The following PLD5 variants were observed in gnomAD, a reference collection of about 807,000 sequenced individuals.
PLD5 encodes phospholipase D family member 5.
In PLD5, 36 loss-of-function variants were observed where a neutral mutation model predicts 61.1. The ratio of observed to expected loss-of-function variants is 0.59; its 90% CI spans 0.45 to 0.78. The LOEUF (loss-of-function observed/expected upper bound fraction) is 0.78, where lower values mean the gene tolerates loss of function less well. PLD5 is among the 30% of genes least tolerant of loss of function. The pLI is 0.00. For synonymous variants in PLD5, 243 were observed against 242.8 expected, an observed-to-expected ratio of 1.00 and a Z score of -0.01; for missense variants, 515 against 644.4, an observed-to-expected ratio of 0.80 and a Z score of 2.17.
chr1:242,321,045 G>A (rs1392669069), intron 2 of PLD5, among the ~76,000 whole-genome samples: 7 of 152,050 alleles, frequency 4.6e-5, no homozygotes, highest in Non-Finnish European at 8.8e-5. Context: ...ACTATCAACC[G>A]AAAGAAATAA....
intron 5 of PLD5, among the ~76,000 whole-genome samples, chr1:242,151,571 C>A (rs941423858): frequency 6.6e-6 from 1 of 151,882 alleles, no homozygotes; most frequent in Non-Finnish European, 1.5e-5. Flanking sequence ...TTTCAGTTTT[C>A]CTGTTTGTCT....
intron 1 of PLD5, among the ~76,000 whole-genome samples, chr1:242,464,518 T>C (rs554552228): frequency 1.3e-5 from 2 of 152,132 alleles, no homozygotes; most frequent in Admixed American, 6.5e-5. Context: ...TAATAGAAAA[T>C]AACAAAAGGT....
intron 6 of PLD5, 95 bp from the exon 7 acceptor site, chr1:242,114,121 CTA>C (rs1213417637): frequency 7.1e-7 from 1 of 1,405,532 alleles, no homozygotes; most frequent in African/African-American, 1.4e-5. Flanking sequence ...TGGCTTGTAA[CTA>C]TATTTTTGCA....
At chr1:242,463,682 C>T (rs1202279680) in intron 1 of PLD5, among the ~76,000 whole-genome samples, 1 of 152,082 alleles carries the variant, frequency 6.6e-6, no homozygotes, top group Non-Finnish European at 1.5e-5. Context: ...GGCCACACTC[C>T]CATCTCAAGG....
chr1:242,362,172 T>C (rs1571977763), intron 1 of PLD5, among the ~76,000 whole-genome samples: 1 of 152,128 alleles, frequency 6.6e-6, no homozygotes, highest in African/African-American at 2.4e-5. Flanking sequence ...GAACACTTTT[T>C]ATGTGTACAG....
rs982942903 is a variant in PLD5, at chr1:242,521,069, T to C, written c.189+3019A>G. Among the ~76,000 whole-genome samples the C allele has an allele frequency of 4.6e-5, 7 of 152,290 alleles. No individual in the cohort carries two copies. In the East Asian group the frequency reaches 1.3e-3, roughly 29 times the overall value. On this transcript the variant is annotated intron_variant, in intron 1 of 9. Coordinates refer to ENST00000536534, the MANE Select transcript of PLD5 (RefSeq NM_001372062.1). ...ACAACATTCTGTGTATGGCCAGCAA[T>C]TTTACTTTTTCCTGAAATTTCACAG...
chr1:242,198,806 C>T (rs1255084710), intron 5 of PLD5, among the ~76,000 whole-genome samples: 1 of 151,892 alleles, frequency 6.6e-6, no homozygotes, highest in Non-Finnish European at 1.5e-5. Context: ...GCAGTCTCAG[C>T]TCACCGCAAC....
chr1:242,273,418 C>A (rs545348067), intron 3 of PLD5, among the ~76,000 whole-genome samples: 3 of 152,004 alleles, frequency 2.0e-5, no homozygotes, highest in South Asian at 4.2e-4. Context: ...TAATTCAGTT[C>A]GAAACAGTTA....
chr1:242,280,284 C>T (rs1674648524), intron 3 of PLD5, among the ~76,000 whole-genome samples: 1 of 152,092 alleles, frequency 6.6e-6, no homozygotes, highest in Non-Finnish European at 1.5e-5. Flanking sequence ...ATGATCTTTC[C>T]CCTGTAGTAC....
chr1:242,202,104 C>T (rs1669020974), intron 5 of PLD5, among the ~76,000 whole-genome samples: 1 of 152,140 alleles, frequency 6.6e-6, no homozygotes, highest in Non-Finnish European at 1.5e-5. Flanking sequence ...ATCCCAGGTA[C>T]TCAGGAGGCT....
intron 1 of PLD5, among the ~76,000 whole-genome samples, chr1:242,366,621 G>A (rs186903800): frequency 6.6e-4 from 100 of 152,212 alleles, no homozygotes; most frequent in Middle Eastern, 3.4e-3. Flanking sequence ...ATTACCATTT[G>A]TAATTGGTAA....
intron 1 of PLD5, among the ~76,000 whole-genome samples, chr1:242,521,505 A>G (rs1669279400): frequency 6.7e-6 from 1 of 148,800 alleles, no homozygotes; most frequent in Admixed American, 6.7e-5. Context: ...TGATGACCAA[A>G]TATGTGTGTC....
intron 1 of PLD5, among the ~76,000 whole-genome samples, chr1:242,519,533 A>G (rs1669213147): frequency 6.6e-6 from 1 of 152,234 alleles, no homozygotes; most frequent in African/African-American, 2.4e-5. Flanking sequence ...TTTCAAATTT[A>G]AATGGGCTTT....
chr1:242,332,970 G>T (rs779982557), intron 2 of PLD5, among the ~76,000 whole-genome samples: 1 of 152,186 alleles, frequency 6.6e-6, no homozygotes, highest in African/African-American at 2.4e-5. Flanking sequence ...TCTCCTGCAG[G>T]AGGGGTTGCC....
Position 242,368,255 on chromosome 1 carries a change from C to T in PLD5, c.190-20013G>A, listed in dbSNP as rs1385189115. ...GCTCCCGTATTCACCCTATAAAAGC[C>T]TTCTCCTTCATTCCCCTTCATCAGA... On this transcript the variant is annotated intron_variant, in intron 1 of 9. Coordinates refer to ENST00000536534, the MANE Select transcript of PLD5 (RefSeq NM_001372062.1). 3.9e-5 allele frequency among the ~76,000 whole-genome samples: 6 copies of T among 152,142 alleles called. No homozygotes were observed. In the East Asian group the frequency reaches 7.7e-4, roughly 20 times the overall value.
At chr1:242,091,396 T>G (rs1240046985) in intron 9 of PLD5, among the ~76,000 whole-genome samples, 1 of 152,114 alleles carries the variant, frequency 6.6e-6, no homozygotes, top group Admixed American at 6.6e-5. Flanking sequence ...AGAGCTAGAG[T>G]AATGCCATTT....
At chr1:242,161,465 A>C (rs1457107271) in intron 5 of PLD5, among the ~76,000 whole-genome samples, 1 of 44,518 alleles carries the variant, frequency 2.2e-5, no homozygotes, top group South Asian at 1.5e-3. Flanking sequence ...ACCTGTGGGA[A>C]CAGAAAAAAA....
chr1:242,173,982 G>A (rs1480667876), intron 5 of PLD5, among the ~76,000 whole-genome samples: 2 of 152,178 alleles, frequency 1.3e-5, no homozygotes, highest in African/African-American at 2.4e-5. Context: ...CGGGACATAG[G>A]CATGGGCAAG....
intron 5 of PLD5, among the ~76,000 whole-genome samples, chr1:242,156,867 G>T (rs1193754842): frequency 8.6e-5 from 13 of 152,036 alleles, no homozygotes; most frequent in African/African-American, 2.4e-4. Context: ...CTTTGTGGTG[G>T]TCTCTGCATT....
Sources: gnomAD v4.1 joint callset for allele counts (sites outside exome capture counted in the v4.1 genomes callset) on GRCh38, gnomAD v4.1.1 for gene constraint, MANE v1.5 for transcripts, NCBI Gene and HGNC (gene_info 2026-07-23, HGNC 2026-07-21) for gene names.